Variants in HDLBP observed in about 807,000 individuals in gnomAD.
HDLBP encodes vigilin.
HDLBP carries 30 observed loss-of-function variants against 137.3 expected under a neutral mutation model. The observed-to-expected ratio is 0.22, with a 90% CI of 0.16 to 0.30. The LOEUF is 0.30. Among genes scored for constraint, HDLBP ranks in the 10% least tolerant of loss-of-function variants. HDLBP has a pLI of 1.00. For synonymous variants in HDLBP, 606 were observed against 596.0 expected (o/e 1.02, Z -0.24); for missense variants, 1,119 against 1,667.3 (o/e 0.67, Z 5.73).
At chr2:241,306,331 G>A (rs758921983) in intron 1 of HDLBP, among the ~76,000 whole-genome samples, 4 of 150,930 alleles carry the variant, frequency 2.7e-5, no homozygotes, top group Non-Finnish European at 5.9e-5. Flanking sequence ...GCGTGATCTC[G>A]GCTCACTGCA....
At chr2:241,269,101 G>A (rs1413105748) in intron 1 of HDLBP, 1 of 152,138 alleles carries the variant, frequency 6.6e-6, no homozygotes. Context: ...TAATCCACTG[G>A]GGATCTAGAA....
At chr2:241,231,816 C>T (rs111244756) in intron 24 of HDLBP, among the ~76,000 whole-genome samples, 2,077 of 152,294 alleles carry the variant, frequency 0.014, 25 homozygotes, top group Middle Eastern at 0.041. Flanking sequence ...GGTAACAAAA[C>T]ACCTGTAGCC....
intron 16 of HDLBP, among the ~76,000 whole-genome samples, chr2:241,243,267 C>T (rs976408400): frequency 2.6e-5 from 4 of 152,138 alleles, no homozygotes; most frequent in Admixed American, 1.3e-4. Flanking sequence ...AGACTGGCAT[C>T]GAGAACCTCT....
chr2:241,284,667 C>T (rs534369386), intron 1 of HDLBP, among the ~76,000 whole-genome samples: 2 of 152,296 alleles, frequency 1.3e-5, no homozygotes, highest in African/African-American at 4.8e-5. Flanking sequence ...AACAACATCA[C>T]GTGCTACAGA....
At chr2:241,267,719 G>C in intron 2 of HDLBP, 1 of 1,534,276 alleles carries the variant, frequency 6.5e-7, no homozygotes, top group East Asian at 2.4e-5. Flanking sequence ...CTGCGTGACA[G>C]GAAAAAGCAG....
At chr2:241,297,395 G>A (rs754900446) in intron 1 of HDLBP, among the ~76,000 whole-genome samples, 3 of 152,196 alleles carry the variant, frequency 2.0e-5, no homozygotes, top group Non-Finnish European at 4.4e-5. Context: ...TGGAAAGCGA[G>A]AAACTAGAAT....
rs773737948 is a variant in HDLBP, at chr2:241,288,899, A to G, written c.-102-20358T>C. On this transcript the variant is annotated intron_variant, in intron 1 of 27. Transcript: ENST00000310931. The stretch of plus-strand genomic sequence containing the variant: ...CCATCTCCTCACTATAAATCTCATT[A>G]AACTACAAGAAACAAAATAATTTGA... Among the ~76,000 whole-genome samples, 41 of 152,340 alleles carry G rather than the reference A, an allele frequency of 2.7e-4. No homozygotes were observed. In the Middle Eastern group the frequency reaches 0.01, roughly 38 times the overall value.
At chr2:241,232,269 CAA>C (rs909266834) in intron 24 of HDLBP, among the ~76,000 whole-genome samples, 1 of 148,398 alleles carries the variant, frequency 6.7e-6, no homozygotes, top group Non-Finnish European at 1.5e-5. Flanking sequence ...AATTGCTAAA[CAA>C]TGACTTTTTT....
At position 241,272,633 on chromosome 2, in the gene HDLBP, G is replaced by C; in HGVS notation, c.-102-4092C>G. 1 of 970,410 alleles carries C rather than the reference G, an allele frequency of 1.0e-6. No individual in the cohort carries two copies. Among genetic ancestry groups the C allele is most frequent in the Non-Finnish European group, 1.2e-6 (1 of 817,826 alleles). 60.1% of individuals were successfully genotyped at this position (970,410 alleles called of 1,614,324 possible). On this transcript the variant is annotated intron_variant, in intron 1 of 27. Transcript: ENST00000310931. This position sits in a 1 kb window ranked among gnomAD's most constrained non-coding sequence, Gnocchi z 5.6. ...GCAGCCTGGGGCCCGGGTGGGGGCC[G>C]CGGCACCCGGGCCCCTCCCCCTCCG...
At chr2:241,236,057 T>C in intron 21 of HDLBP, 2 of 189,786 alleles carry the variant, frequency 1.1e-5, no homozygotes, top group Non-Finnish European at 2.2e-5. Flanking sequence ...CTGCCCTGTC[T>C]CCCCCACCGC....
rs756379632 is a variant in HDLBP at position 241,230,839 on chromosome 2, C to T, written c.3394G>A (p.Val1132Ile). 22 of 1,614,046 alleles carry T rather than the reference C, an allele frequency of 1.4e-5. No homozygotes were observed. The highest frequency in any genetic ancestry group is 1.6e-4 in the Middle Eastern group (1 of 6,084). The change falls in exon 25 of 28, where the codon GTC (valine) becomes ATC (isoleucine). Residue 1132 changes from valine (V) to isoleucine (I), a missense_variant. Coordinates refer to ENST00000310931, the MANE Select transcript of HDLBP (RefSeq NM_005336.6). This position sits in a 1 kb window ranked among gnomAD's most constrained non-coding sequence, Gnocchi z 5.0. Reference sequence around the variant, plus strand: ...GCGTGAACGCGGTGGTCCAGCGGGACGTCCTCAGAAACCATCTGCTCAAGT... The same window carrying T: ...GCGTGAACGCGGTGGTCCAGCGGGATGTCCTCAGAAACCATCTGCTCAAGT... ...GELEQMVSEDVPLDHRVHARI... is the reference protein window; with the variant it reads ...GELEQMVSEDIPLDHRVHARI...
intron 1 of HDLBP, among the ~76,000 whole-genome samples, chr2:241,281,070 G>T (rs1559540996): frequency 1.3e-5 from 2 of 152,290 alleles, no homozygotes; most frequent in African/African-American, 4.8e-5. Flanking sequence ...TTAATAAGAT[G>T]GGGGGCTGGG....
At chr2:241,300,387 A>C (rs2075352110) in intron 1 of HDLBP, among the ~76,000 whole-genome samples, 1 of 152,196 alleles carries the variant, frequency 6.6e-6, no homozygotes, top group Non-Finnish European at 1.5e-5. Context: ...GCCCAGCGAG[A>C]ATTAGGAATA....
Position 241,233,208 on chromosome 2 carries a change from C to A in HDLBP, c.3288+612G>T, listed in dbSNP as rs2069991963. 6.6e-6 allele frequency among the ~76,000 whole-genome samples: 1 copy of A among 152,154 alleles called. No individual in the cohort carries two copies. The highest frequency in any genetic ancestry group is 1.5e-5 in the Non-Finnish European group (1 of 68,018). On this transcript the variant is annotated intron_variant, in intron 24 of 27. Coordinates refer to ENST00000310931, the MANE Select transcript of HDLBP (RefSeq NM_005336.6). This position sits in a 1 kb window ranked among gnomAD's most constrained non-coding sequence, Gnocchi z 4.3. Reference sequence around the variant, plus strand: ...GATGCCAGAGCCAGGAAAGACCAAGCCTGGGAAGTGTGTGCAAGAGGGGGT... The same window carrying A: ...GATGCCAGAGCCAGGAAAGACCAAGACTGGGAAGTGTGTGCAAGAGGGGGT...
At chr2:241,255,831 C>T (rs988412662) in intron 7 of HDLBP, among the ~76,000 whole-genome samples, 1 of 152,240 alleles carries the variant, frequency 6.6e-6, no homozygotes, top group Non-Finnish European at 1.5e-5. Flanking sequence ...ACACCCAATC[C>T]TTTCCCTCAA....
chr2:241,247,921 T>TG (rs2071803684), intron 14 of HDLBP, 82 bp downstream of exon 14: 1 of 935,084 alleles, frequency 1.1e-6, no homozygotes, highest in East Asian at 2.4e-5. Context: ...AGGGGTCCTG[T>TG]GGGGGTCAGG....
chr2:241,241,289 C>T (rs949954462), intron 17 of HDLBP, among the ~76,000 whole-genome samples: 9 of 152,058 alleles, frequency 5.9e-5, no homozygotes, highest in Admixed American at 3.9e-4. Context: ...AACAGTGGGC[C>T]GGGCGCAGTG....
chr2:241,305,393 G>A (rs577484195), intron 1 of HDLBP, among the ~76,000 whole-genome samples: 1 of 152,146 alleles, frequency 6.6e-6, no homozygotes, highest in African/African-American at 2.4e-5. Flanking sequence ...AAAGTGCTGG[G>A]ATTACAGGCG....
chr2:241,282,613 C>G (rs999233952), intron 1 of HDLBP, among the ~76,000 whole-genome samples: 5 of 152,182 alleles, frequency 3.3e-5, no homozygotes. Context: ...GCCTCTTTTC[C>G]AACAGCACAT....
Sources: allele counts gnomAD v4.1 joint callset (sites outside exome capture counted in the v4.1 genomes callset), GRCh38; gene constraint gnomAD v4.1.1; non-coding constraint Gnocchi (gnomAD v3.1); transcripts MANE v1.5; gene names NCBI Gene and HGNC (gene_info 2026-07-23, HGNC 2026-07-21).